Variants in ME3 observed in about 807,000 individuals in gnomAD.
ME3 encodes malic enzyme 3.
Under a neutral mutation model 68.9 loss-of-function variants are expected in ME3, and 48 were observed. The observed-to-expected ratio is 0.70, with a 90% CI of 0.55 to 0.89. ME3 has a LOEUF of 0.89. Among genes scored for constraint, ME3 ranks in the 40% least tolerant of loss-of-function variants. ME3 has a pLI of 0.00. For synonymous variants in ME3, 320 were observed against 318.8 expected (o/e 1.00, Z -0.04); for missense variants, 675 against 797.4 (o/e 0.85, Z 1.85).
intron 4 of ME3, among the ~76,000 whole-genome samples, chr11:86,542,950 G>T (rs1264359477): frequency 1.3e-5 from 2 of 152,174 alleles, no homozygotes; most frequent in Non-Finnish European, 2.9e-5. Flanking sequence ...ACTAACAGAG[G>T]ATCTTTCTGC....
In ME3 at chr11:86,575,386, T is replaced by C. The variant is rs1283142977; in HGVS notation, c.184-15563A>G. ...GAGTTATTTCTCTAGACCTTGGTTT[T>C]ACCTGTCTGGGAAATGGGAATAATA... is the stretch of plus-strand genomic sequence containing the variant. On this transcript the variant is annotated intron_variant, in intron 2 of 14. Transcript: ENST00000543262. 1.4e-5 allele frequency among the ~76,000 whole-genome samples: 2 copies of C among 147,520 alleles called. 1 individual carries two copies. The highest frequency in any genetic ancestry group is 5.2e-5 in the African/African-American group (2 of 38,330).
intron 4 of ME3, among the ~76,000 whole-genome samples, chr11:86,530,917 C>T (rs1411081976): frequency 6.7e-6 from 1 of 150,120 alleles, no homozygotes; most frequent in Non-Finnish European, 1.5e-5. Flanking sequence ...CCTAGGCATA[C>T]CATTCAGGAC....
chr11:86,647,590 A>C (rs1309242435), intron 2 of ME3, among the ~76,000 whole-genome samples: 1 of 152,190 alleles, frequency 6.6e-6, no homozygotes, highest in Non-Finnish European at 1.5e-5. Flanking sequence ...ACAAAAAAAA[A>C]GCAGGGGTTG....
At chr11:86,537,503 G>T (rs1345420457) in intron 4 of ME3, among the ~76,000 whole-genome samples, 1 of 152,078 alleles carries the variant, frequency 6.6e-6, no homozygotes, top group African/African-American at 2.4e-5. Flanking sequence ...TGCCCTGCCC[G>T]TGGGGCAGGG....
chr11:86,639,238 G>A (rs1179742445), intron 2 of ME3, among the ~76,000 whole-genome samples: 1 of 152,172 alleles, frequency 6.6e-6, no homozygotes, highest in Non-Finnish European at 1.5e-5. Context: ...GAGGAGTAAT[G>A]CCTTTTCCTT....
At chr11:86,514,938 A>G (rs907757731) in intron 4 of ME3, among the ~76,000 whole-genome samples, 4 of 152,322 alleles carry the variant, frequency 2.6e-5, no homozygotes, top group Middle Eastern at 3.4e-3. Flanking sequence ...TTTGGCTCAT[A>G]GTAAGTATTT....
At position 86,442,857 on chromosome 11, in the gene ME3, G is replaced by A. The variant is rs765929679; in HGVS notation, c.1617C>T (p.Ser539=). The stretch of plus-strand genomic sequence containing the variant: ...TTCTCAAAGACACGTCTCGGATGGT[G>A]CTGAGTGGTGGGTAGAGTCTCCCCT... Residue 539 remains serine (S), a synonymous_variant, in exon 14 of 15, where the codon AGC becomes AGT. Coordinates refer to ENST00000543262, the Ensembl canonical transcript of ME3. 12 of 1,613,550 alleles carry A rather than the reference G, an allele frequency of 7.4e-6. No homozygotes were observed. In the South Asian group the frequency reaches 1.3e-4, roughly 18 times the overall value.
intron 5 of ME3, among the ~76,000 whole-genome samples, chr11:86,503,971 C>T (rs1952892590): frequency 6.6e-6 from 1 of 152,188 alleles, no homozygotes; most frequent in African/African-American, 2.4e-5. Context: ...TTACGCTGGA[C>T]AGCTCAAGGC....
chr11:86,619,544 C>G (rs1943211171), intron 2 of ME3, among the ~76,000 whole-genome samples: 7 of 152,250 alleles, frequency 4.6e-5, no homozygotes, highest in Admixed American at 4.6e-4. Flanking sequence ...GGGGTTTCCC[C>G]CATACTGTTC....
chr11:86,549,017 C>G (rs536045743), intron 4 of ME3, among the ~76,000 whole-genome samples: 2 of 152,362 alleles, frequency 1.3e-5, no homozygotes, highest in South Asian at 4.1e-4. Context: ...CGTAAATTCT[C>G]TGGTCCCATC....
rs1440109861 is a variant in ME3, at chr11:86,532,126, AAAG to A, written c.468-23262_468-23260del. On this transcript the variant is annotated intron_variant, in intron 4 of 14. Transcript: ENST00000543262. ...AAATCAAAAACTGTAAAAAAGAGAC[AAAG>A]AAGATCATTATATAATGATAAAGGA... Among the ~76,000 whole-genome samples the A allele has an allele frequency of 4.6e-5, 7 of 152,300 alleles. No individual in the cohort carries two copies. The South Asian group carries it at 1.2e-3, about 27-fold the overall frequency.
chr11:86,457,708 A>G (rs1220454614), intron 8 of ME3: 8 of 1,288,526 alleles, frequency 6.2e-6, no homozygotes, highest in African/African-American at 1.5e-5. Flanking sequence ...GTGCTGGAAC[A>G]TGACTTGTGC....
At chr11:86,669,692 A>T (rs937021144) in intron 2 of ME3, among the ~76,000 whole-genome samples, 5 of 152,048 alleles carry the variant, frequency 3.3e-5, no homozygotes, top group African/African-American at 1.2e-4. Context: ...TCAAGATGAG[A>T]TTTGTATGGG....
At chr11:86,553,077 T>C (rs1956773486) in intron 4 of ME3, among the ~76,000 whole-genome samples, 1 of 152,130 alleles carries the variant, frequency 6.6e-6, no homozygotes. Flanking sequence ...TCATGGGGCG[T>C]TCCCTCAAGC....
chr11:86,463,752 T>G (rs960401931), intron 8 of ME3, among the ~76,000 whole-genome samples: 4 of 152,256 alleles, frequency 2.6e-5, no homozygotes, highest in Non-Finnish European at 5.9e-5. Flanking sequence ...TCACATTTCT[T>G]ATACCCTGTA....
chr11:86,552,418 G>A (rs1050217231), intron 4 of ME3, among the ~76,000 whole-genome samples: 1 of 152,154 alleles, frequency 6.6e-6, no homozygotes, highest in Non-Finnish European at 1.5e-5. Flanking sequence ...TGTCCTTGTA[G>A]AATCCAGTGT....
intron 10 of ME3, among the ~76,000 whole-genome samples, chr11:86,448,747 G>A (rs543752730): frequency 6.3e-4 from 96 of 152,304 alleles, no homozygotes; most frequent in Non-Finnish European, 1.0e-3. Flanking sequence ...GACAGGCCAT[G>A]CCCAACCAGC....
chr11:86,612,560 C>A (rs1565214274), intron 2 of ME3, among the ~76,000 whole-genome samples: 1 of 152,174 alleles, frequency 6.6e-6, no homozygotes, highest in Non-Finnish European at 1.5e-5. Flanking sequence ...TTCTCCACAG[C>A]CTCACAACCA....
chr11:86,598,736 A>G (rs983442012), intron 2 of ME3, among the ~76,000 whole-genome samples: 1 of 152,130 alleles, frequency 6.6e-6, no homozygotes, highest in Non-Finnish European at 1.5e-5. Context: ...GCGGCCAGGT[A>G]CTCCTCTGAG....
Sources: gnomAD v4.1 joint callset for allele counts (sites outside exome capture counted in the v4.1 genomes callset) on GRCh38, gnomAD v4.1.1 for gene constraint, MANE v1.5 for transcripts, NCBI Gene and HGNC (gene_info 2026-07-23, HGNC 2026-07-21) for gene names.